MRPL42: variants seen among roughly 807,000 people sequenced by gnomAD.
MRPL42 encodes the protein mitochondrial ribosomal protein L42, also known as large ribosomal subunit protein mL42.
In MRPL42, 17 loss-of-function variants were observed where a neutral mutation model predicts 17.9. The ratio of observed to expected loss-of-function variants is 0.95; its 90% CI spans 0.65 to 1.42. MRPL42 has a LOEUF of 1.42. Among genes scored for constraint, MRPL42 ranks in the 40% most tolerant of loss-of-function variants. The probability of loss-of-function intolerance (pLI) is 0.00; values close to 1 mark genes in which losing one functional copy is unlikely to be tolerated. For missense variants in MRPL42, 177 were observed against 175.2 expected (o/e 1.01, Z -0.06); for synonymous variants, 59 against 54.4 (o/e 1.08, Z -0.37).
At chr12:93,498,069 A>C (rs1164372586) in intron 5 of MRPL42, among the ~76,000 whole-genome samples, 17 of 61,458 alleles carry the variant, frequency 2.8e-4, no homozygotes, top group South Asian at 6.4e-4. Flanking sequence ...TAGCTCTCTT[A>C]CTTCCTTCAG....
chr12:93,488,516 T>C, intron 5 of MRPL42: 1 of 371,670 alleles, frequency 2.7e-6, no homozygotes, highest in East Asian at 3.9e-5. Context: ...AATTTTTACA[T>C]TCTATGATGT....
At chr12:93,484,150 T>A (rs1295185700) in intron 4 of MRPL42, among the ~76,000 whole-genome samples, 1 of 152,196 alleles carries the variant, frequency 6.6e-6, no homozygotes, top group African/African-American at 2.4e-5. Context: ...GACTTTTTTT[T>A]AACAAGTAGG....
intron 5 of MRPL42, among the ~76,000 whole-genome samples, chr12:93,496,081 C>G (rs1490785180): frequency 2.9e-4 from 44 of 152,116 alleles, no homozygotes; most frequent in Non-Finnish European, 1.5e-5. Flanking sequence ...TTGTTTGACA[C>G]GGAGTCTTGC....
At chr12:93,478,942 A>ATTTAT (rs1282970400) in intron 3 of MRPL42, among the ~76,000 whole-genome samples, 1 of 76,564 alleles carries the variant, frequency 1.3e-5, no homozygotes, top group Non-Finnish European at 3.9e-5. Flanking sequence ...TTATTTATTT[A>ATTTAT]TTTTTTTGAG....
At chr12:93,476,468 C>T (rs1880184456) in intron 2 of MRPL42, among the ~76,000 whole-genome samples, 1 of 152,166 alleles carries the variant, frequency 6.6e-6, no homozygotes, top group African/African-American at 2.4e-5. Context: ...TGTGCCTGGC[C>T]CCAGATACTT....
rs1172980923 is a variant in MRPL42 at position 93,506,729 on chromosome 12, AT to A, written c.*5510del. 6.6e-6 allele frequency: 1 copy of A among 152,118 alleles called. No homozygotes were observed. Among genetic ancestry groups the A allele is most frequent in the Non-Finnish European group, 1.5e-5 (1 of 68,034 alleles). 9.4% of individuals were successfully genotyped at this position (152,118 alleles called of 1,614,324 possible). ...ATCCCTTCTTTCCCCTCTAGTCAAA[AT>A]TAGTCTCTTCTTCACTCATAATGCA... is the stretch of plus-strand genomic sequence containing the variant. On this transcript the variant is annotated 3_prime_UTR_variant, in exon 6 of 6. Coordinates refer to ENST00000549982, the MANE Select transcript of MRPL42 (RefSeq NM_014050.4).
chr12:93,470,868 C>T (rs921823856), intron 2 of MRPL42, among the ~76,000 whole-genome samples: 1 of 152,200 alleles, frequency 6.6e-6, no homozygotes, highest in African/African-American at 2.4e-5. Context: ...CATTGATGGG[C>T]TTGTTTCCAT....
chr12:93,489,440 A>G (rs1028201679), intron 5 of MRPL42, among the ~76,000 whole-genome samples: 3 of 152,140 alleles, frequency 2.0e-5, no homozygotes, highest in African/African-American at 7.2e-5. Context: ...TTCCCAAGGA[A>G]AAATATTGAT....
intron 5 of MRPL42, among the ~76,000 whole-genome samples, chr12:93,489,583 G>T (rs1404360461): frequency 1.3e-5 from 2 of 151,904 alleles, no homozygotes; most frequent in Non-Finnish European, 2.9e-5. Context: ...ACCTAGGCTG[G>T]AGTGCAGTGG....
intron 2 of MRPL42, chr12:93,470,361 C>G (rs1879849596): frequency 3.4e-6 from 3 of 882,212 alleles, no homozygotes; most frequent in Non-Finnish European, 4.4e-6. Flanking sequence ...GTTTATAGCT[C>G]TTATAAACAG....
At chr12:93,482,223 T>C (rs1392420431) in intron 4 of MRPL42, among the ~76,000 whole-genome samples, 1 of 152,238 alleles carries the variant, frequency 6.6e-6, no homozygotes, top group Non-Finnish European at 1.5e-5. Context: ...CTCTCTTTCC[T>C]TAAGGTCTTT....
intron 5 of MRPL42, among the ~76,000 whole-genome samples, chr12:93,494,182 C>G (rs1413128917): frequency 6.7e-6 from 1 of 150,286 alleles, no homozygotes; most frequent in Non-Finnish European, 1.5e-5. Context: ...AGATAGGAAG[C>G]TGTTTGAGGA....
chr12:93,486,868 T>G (rs569412846), intron 4 of MRPL42, among the ~76,000 whole-genome samples: 1 of 152,006 alleles, frequency 6.6e-6, no homozygotes, highest in African/African-American at 2.4e-5. Context: ...CTCGCTGTGT[T>G]GCCCAGGCTG....
Position 93,479,374 on chromosome 12 carries a change from A to G in MRPL42, c.135-14A>G. 6.3e-7 allele frequency: 1 copy of G among 1,587,026 alleles called. No homozygotes were observed. On this transcript the variant is annotated splice_polypyrimidine_tract_variant and intron_variant, in intron 3 of 5. Coordinates refer to ENST00000549982, the MANE Select transcript of MRPL42 (RefSeq NM_014050.4). ...TACAGTATAACTTTATTTCTAAAAC[A>G]TTCTTTTTTTTAGCAACGTAGAGCT...
Position 93,516,192 on chromosome 12 carries a change from A to G in MRPL42, c.*14971A>G, listed in dbSNP as rs1399059764. 6.6e-6 allele frequency: 1 copy of G among 152,214 alleles called. No individual in the cohort carries two copies. The highest frequency in any genetic ancestry group is 1.5e-5 in the Non-Finnish European group (1 of 68,046). The allele number at this position is 152,214 out of a possible 1,614,324, so 9.4% of individuals were successfully genotyped here. On this transcript the variant is annotated 3_prime_UTR_variant, in exon 6 of 6. Coordinates refer to ENST00000549982, the MANE Select transcript of MRPL42 (RefSeq NM_014050.4). ...TGTGTTCTTCTTTGCTGCAATGAGTAATAAACTCAACTTGTTTAACTAGAG... is the reference window on the plus strand; with the variant it reads ...TGTGTTCTTCTTTGCTGCAATGAGTGATAAACTCAACTTGTTTAACTAGAG...
chr12:93,483,421 A>G (rs188158903), intron 4 of MRPL42, among the ~76,000 whole-genome samples: 48 of 152,354 alleles, frequency 3.2e-4, no homozygotes, highest in African/African-American at 1.0e-3. Flanking sequence ...TTTATGGTAT[A>G]GCCTATTGCT....
chr12:93,491,556 T>A (rs963520097), intron 5 of MRPL42, among the ~76,000 whole-genome samples: 1 of 152,212 alleles, frequency 6.6e-6, no homozygotes, highest in Non-Finnish European at 1.5e-5. Flanking sequence ...TATGTATATA[T>A]GTATGTATGT....
At chr12:93,495,562 G>T (rs1953485214) in intron 5 of MRPL42, among the ~76,000 whole-genome samples, 1 of 152,118 alleles carries the variant, frequency 6.6e-6, no homozygotes, top group South Asian at 2.1e-4. Flanking sequence ...CAGATTTTCA[G>T]ACATGAGATA....
intron 4 of MRPL42, among the ~76,000 whole-genome samples, chr12:93,485,611 TATA>T (rs1300955561): frequency 1.3e-5 from 2 of 152,226 alleles, no homozygotes; most frequent in Non-Finnish European, 2.9e-5. Flanking sequence ...TTCATTGTAT[TATA>T]ATACATACAT....
Sources: allele counts gnomAD v4.1 joint callset (sites outside exome capture counted in the v4.1 genomes callset), GRCh38; gene constraint gnomAD v4.1.1; transcripts MANE v1.5; gene names NCBI Gene and HGNC (gene_info 2026-07-23, HGNC 2026-07-21).